Variants in CAMTA1 observed in about 807,000 individuals in gnomAD.
CAMTA1 encodes calmodulin binding transcription activator 1.
CAMTA1 carries 27 observed loss-of-function variants against 170.9 expected under a neutral mutation model. That is an observed-to-expected ratio of 0.16 (90% CI 0.12 to 0.22). The LOEUF is 0.22. Among genes scored for constraint, CAMTA1 ranks in the 10% least tolerant of loss-of-function variants. CAMTA1 has a pLI of 1.00. For synonymous variants in CAMTA1, 833 were observed against 891.5 expected (o/e 0.93, Z 1.17); for missense variants, 1,619 against 2,217.2 (o/e 0.73, Z 5.42).
chr1:7,694,201 C>T (rs181926397), intron 11 of CAMTA1: 8 of 152,270 alleles, frequency 5.3e-5, no homozygotes, highest in East Asian at 3.9e-4. Context: ...GTATCTTTAT[C>T]GAGGGAGGAA....
At chr1:7,428,683 G>T (rs183066565) in intron 5 of CAMTA1, among the ~76,000 whole-genome samples, 174 of 152,174 alleles carry the variant, frequency 1.1e-3, no homozygotes, top group African/African-American at 3.8e-3. Flanking sequence ...TCTCCACTAG[G>T]ATGACATCCC....
rs2095679437 is a variant in CAMTA1 at position 7,632,679 on chromosome 1, G to GT, written c.511-7720dup. Among the ~76,000 whole-genome samples, 3 of 152,368 alleles carry GT rather than the reference G, an allele frequency of 2.0e-5. No homozygotes were observed. The South Asian group carries it at 6.2e-4, about 32-fold the overall frequency. ...AGATGGAGGAGCCGAGGCCAGGGCGGTGGGACCCTGCTGCCTGACACCCAT... is the reference window on the plus strand; with the variant it reads ...AGATGGAGGAGCCGAGGCCAGGGCGGTTGGGACCCTGCTGCCTGACACCCAT... On this transcript the variant is annotated intron_variant, in intron 6 of 22. Transcript: ENST00000303635.
chr1:7,237,570 A>G (rs900732066), intron 4 of CAMTA1, among the ~76,000 whole-genome samples: 1 of 152,158 alleles, frequency 6.6e-6, no homozygotes, highest in African/African-American at 2.4e-5. Flanking sequence ...TGCAGAATTA[A>G]CCTAGTCTTC....
At chr1:6,915,734 G>A (rs997264604) in intron 3 of CAMTA1, among the ~76,000 whole-genome samples, 3 of 152,206 alleles carry the variant, frequency 2.0e-5, no homozygotes, top group African/African-American at 7.2e-5. Flanking sequence ...CCACTGGCGT[G>A]GTGAGGAAGA....
intron 3 of CAMTA1, chr1:6,834,392 C>G (rs17494486): frequency 0.14 from 28,566 of 204,372 alleles, 2,777 homozygotes; most frequent in Admixed American, 0.34. Context: ...CTCACGGAGT[C>G]CATGCCTGAA....
chr1:7,314,161 C>T (rs757967214), intron 5 of CAMTA1, among the ~76,000 whole-genome samples: 3 of 152,210 alleles, frequency 2.0e-5, no homozygotes, highest in Non-Finnish European at 4.4e-5. Flanking sequence ...TTATTTTGGT[C>T]ACTTGGTGCT....
At chr1:7,315,852 C>T (rs1485640536) in intron 5 of CAMTA1, among the ~76,000 whole-genome samples, 1 of 152,176 alleles carries the variant, frequency 6.6e-6, no homozygotes, top group Non-Finnish European at 1.5e-5. Context: ...GCCTTCATGC[C>T]ATCTCCTCCT....
rs186441350 is a variant in CAMTA1 at position 6,868,381 on chromosome 1, T to C, written c.234+43171T>C. On this transcript the variant is annotated intron_variant, in intron 3 of 22. Coordinates refer to ENST00000303635, the MANE Select transcript of CAMTA1 (RefSeq NM_015215.4). ...CGACTGTATAGGGTTAAAAAACGACTGTATAGGGTTTTATTTTAATGGGTT... is the reference window on the plus strand; with the variant it reads ...CGACTGTATAGGGTTAAAAAACGACCGTATAGGGTTTTATTTTAATGGGTT... Among the ~76,000 whole-genome samples, 7 of 151,042 alleles carry C rather than the reference T, an allele frequency of 4.6e-5. No homozygotes were observed. The East Asian group carries it at 7.8e-4, about 17-fold the overall frequency.
intron 3 of CAMTA1, among the ~76,000 whole-genome samples, chr1:6,899,550 GCGCGCACACACACACACA>G (rs1410031032): frequency 2.5e-4 from 21 of 85,200 alleles, no homozygotes; most frequent in African/African-American, 7.8e-4. Context: ...GCGCACGCGC[GCGCGCACACACACACACA>G]CACACACACA....
intron 4 of CAMTA1, among the ~76,000 whole-genome samples, chr1:7,185,889 A>G (rs917454271): frequency 1.3e-5 from 2 of 152,214 alleles, no homozygotes; most frequent in Non-Finnish European, 2.9e-5. Flanking sequence ...GAGATACAAA[A>G]ACTGGATGTT....
intron 11 of CAMTA1, among the ~76,000 whole-genome samples, chr1:7,715,543 C>T (rs1019821818): frequency 2.0e-5 from 3 of 152,070 alleles, no homozygotes; most frequent in African/African-American, 7.3e-5. Flanking sequence ...AGTGATCCTC[C>T]CACCTCAGCC....
At position 7,570,811 on chromosome 1, in the gene CAMTA1, G is replaced by T. The variant is rs1220980511; in HGVS notation, c.511-69589G>T. Among the ~76,000 whole-genome samples the T allele has an allele frequency of 6.6e-6, 1 of 152,198 alleles. No homozygotes were observed. The highest frequency in any genetic ancestry group is 6.5e-5 in the Admixed American group (1 of 15,278). ...AAATCAGTGTTATCATGCGAGGATG[G>T]GGATAGGGTACGGAGACTGGAGAGA... On this transcript the variant is annotated intron_variant, in intron 6 of 22. Transcript: ENST00000303635. This position sits in a 1 kb window ranked among gnomAD's most constrained non-coding sequence, Gnocchi z 4.3.
chr1:7,484,605 C>T (rs1015353595), intron 6 of CAMTA1, among the ~76,000 whole-genome samples: 5 of 152,030 alleles, frequency 3.3e-5, no homozygotes, highest in South Asian at 2.1e-4. Flanking sequence ...CTGGCTAACA[C>T]GGTGAAATCC....
intron 5 of CAMTA1, among the ~76,000 whole-genome samples, chr1:7,445,778 T>C (rs2092664059): frequency 6.6e-6 from 1 of 152,214 alleles, no homozygotes; most frequent in Admixed American, 6.5e-5. Context: ...TCCTAAGCGA[T>C]GAACATCTCA....
intron 11 of CAMTA1, among the ~76,000 whole-genome samples, chr1:7,715,459 GTCTC>G (rs1009747848): frequency 2.0e-5 from 3 of 150,120 alleles, no homozygotes; most frequent in Non-Finnish European, 3.0e-5. Context: ...TTGAGGCACG[GTCTC>G]TCTCTCTGAG....
chr1:7,059,534 C>T (rs927413783), intron 3 of CAMTA1, among the ~76,000 whole-genome samples: 3 of 152,074 alleles, frequency 2.0e-5, no homozygotes, highest in Non-Finnish European at 4.4e-5. Flanking sequence ...GCAGGAGGAT[C>T]GCTTGAGCAC....
At chr1:6,987,727 A>G (rs1695593365) in intron 3 of CAMTA1, among the ~76,000 whole-genome samples, 1 of 152,162 alleles carries the variant, frequency 6.6e-6, no homozygotes. Flanking sequence ...TATTGGATGC[A>G]ATGTGGGAGG....
chr1:6,975,075 C>T (rs1260067403), intron 3 of CAMTA1, among the ~76,000 whole-genome samples: 1 of 152,176 alleles, frequency 6.6e-6, no homozygotes, highest in Non-Finnish European at 1.5e-5. Flanking sequence ...GAGGCGCCAT[C>T]TCTGTTTTCT....
intron 4 of CAMTA1, chr1:7,219,625 G>A (rs1318403963): frequency 6.8e-6 from 1 of 147,318 alleles, no homozygotes; most frequent in African/African-American, 2.5e-5. Context: ...CAGAATCCAT[G>A]TGCTGAAGCC....
Sources: gnomAD v4.1 joint callset for allele counts (sites outside exome capture counted in the v4.1 genomes callset) on GRCh38, gnomAD v4.1.1 for gene constraint, Gnocchi (gnomAD v3.1) non-coding constraint, MANE v1.5 for transcripts, NCBI Gene and HGNC (gene_info 2026-07-23, HGNC 2026-07-21) for gene names.